The following TANC2 variants were observed in gnomAD, a reference collection of about 807,000 sequenced individuals.
The protein encoded by TANC2 is protein TANC2.
TANC2 carries 26 observed loss-of-function variants against 210.5 expected under a neutral mutation model. That is an observed-to-expected ratio of 0.12 (90% confidence interval 0.09 to 0.17). The LOEUF (loss-of-function observed/expected upper bound fraction) is 0.17. Among genes scored for constraint, TANC2 ranks in the 10% least tolerant of loss-of-function variants. The pLI is 1.00. For synonymous variants in TANC2, 931 were observed against 967.1 expected, an observed-to-expected ratio of 0.96 and a Z score of 0.69; for missense variants, 2,129 against 2,608.9, an observed-to-expected ratio of 0.82 and a Z score of 4.01.
chr17:63,310,651 G>A (rs79759494), intron 9 of TANC2, among the ~76,000 whole-genome samples: 2,085 of 152,192 alleles, frequency 0.014, 25 homozygotes, highest in Middle Eastern at 0.024. Context: ...ATTCACAAAA[G>A]AATTCAGATA....
chr17:63,038,896 C>T (rs1420266062), intron 2 of TANC2, among the ~76,000 whole-genome samples: 1 of 152,030 alleles, frequency 6.6e-6, no homozygotes, highest in Non-Finnish European at 1.5e-5. Flanking sequence ...TTAAAGGTTT[C>T]TTCCAATTTT....
At chr17:63,359,025 T>C (rs1279028257) in intron 14 of TANC2, among the ~76,000 whole-genome samples, 1 of 150,366 alleles carries the variant, frequency 6.7e-6, no homozygotes, top group Non-Finnish European at 1.5e-5. Flanking sequence ...TGCCAGAGAT[T>C]AAAAGACTAC....
intron 7 of TANC2, among the ~76,000 whole-genome samples, chr17:63,220,711 A>T (rs1481133376): frequency 7.8e-6 from 1 of 128,740 alleles, no homozygotes. Flanking sequence ...CTCAAAAAAA[A>T]AAAAAAAAAT....
intron 3 of TANC2, among the ~76,000 whole-genome samples, chr17:63,078,827 C>T (rs2036661997): frequency 6.6e-6 from 1 of 152,086 alleles, no homozygotes; most frequent in Non-Finnish European, 1.5e-5. Context: ...ATTTTAATAA[C>T]TGTTCTGTGT....
At chr17:63,389,072 T>C (rs1013783611) in intron 16 of TANC2, among the ~76,000 whole-genome samples, 9 of 152,200 alleles carry the variant, frequency 5.9e-5, no homozygotes, top group African/African-American at 2.2e-4. Context: ...GTAGAGACTA[T>C]GTTCAGCACT....
At chr17:63,272,987 A>G (rs967746033) in intron 9 of TANC2, among the ~76,000 whole-genome samples, 2 of 147,040 alleles carry the variant, frequency 1.4e-5, no homozygotes, top group Non-Finnish European at 3.1e-5. Flanking sequence ...TTTTATACTC[A>G]TAAAAAAATT....
chr17:63,161,657 C>G (rs910479827), intron 5 of TANC2, among the ~76,000 whole-genome samples: 8 of 152,250 alleles, frequency 5.3e-5, no homozygotes, highest in African/African-American at 1.7e-4. Flanking sequence ...TTGGAATACT[C>G]TAAGACCTGG....
intron 17 of TANC2, 45 bp downstream of exon 17, chr17:63,389,589 T>C: frequency 6.6e-7 from 1 of 1,510,540 alleles, no homozygotes; most frequent in Non-Finnish European, 9.0e-7. Context: ...TTTTTCTTTA[T>C]TTTCGATGCA....
rs1156591499 is a variant in TANC2, at chr17:62,966,487, G to T, written c.-286G>T. Among the ~76,000 whole-genome samples, 1 of 148,680 alleles carries T rather than the reference G, an allele frequency of 6.7e-6. No homozygotes were observed. Among genetic ancestry groups the T allele is most frequent in the Admixed American group, 6.7e-5 (1 of 14,982 alleles). On this transcript the variant is annotated 5_prime_UTR_variant, in exon 1 of 28. Coordinates refer to ENST00000689528, the Ensembl canonical transcript of TANC2. The surrounding 1 kb of genome is among the most constrained non-coding windows in gnomAD (Gnocchi z 5.1). ...GGCTGTGCCGCGCGCTAGGCGGAGC[G>T]AGGCGCCCGCCGCCGCCGAGCCGAG...
intron 1 of TANC2, among the ~76,000 whole-genome samples, chr17:62,986,904 G>A (rs2032595457): frequency 6.6e-6 from 1 of 152,136 alleles, no homozygotes; most frequent in African/African-American, 2.4e-5. Context: ...CTGGGATCAT[G>A]TCTACCAGGA....
intron 7 of TANC2, among the ~76,000 whole-genome samples, chr17:63,235,440 C>T (rs776127844): frequency 1.3e-5 from 2 of 152,028 alleles, no homozygotes; most frequent in Non-Finnish European, 2.9e-5. Context: ...GATTTCCTTT[C>T]TCAGGTGGAG....
At chr17:63,284,338 C>T (rs527620625) in intron 9 of TANC2, among the ~76,000 whole-genome samples, 1 of 151,970 alleles carries the variant, frequency 6.6e-6, no homozygotes, top group South Asian at 2.1e-4. Context: ...CAATTTGCTG[C>T]AATTTTGTAT....
chr17:63,134,691 A>C (rs973160343), intron 4 of TANC2, among the ~76,000 whole-genome samples: 1 of 152,232 alleles, frequency 6.6e-6, no homozygotes, highest in Non-Finnish European at 1.5e-5. Flanking sequence ...AAAGACAAGG[A>C]ATCCAAGCTT....
intron 2 of TANC2, among the ~76,000 whole-genome samples, chr17:63,069,972 T>C (rs1024432656): frequency 6.6e-6 from 1 of 152,218 alleles, no homozygotes; most frequent in African/African-American, 2.4e-5. Context: ...ATAGAAACTT[T>C]TGCTGGGCTG....
At chr17:63,038,602 A>C (rs1424540334) in intron 2 of TANC2, among the ~76,000 whole-genome samples, 2 of 152,112 alleles carry the variant, frequency 1.3e-5, no homozygotes. Context: ...TTATTTCTTT[A>C]AATGTTTGGT....
At chr17:63,154,751 G>A (rs1032292587) in intron 5 of TANC2, 1 of 151,864 alleles carries the variant, frequency 6.6e-6, no homozygotes, top group South Asian at 2.1e-4. Context: ...ATACTTAAAG[G>A]TTTAGGGTCA....
chr17:63,386,805 A>G (rs764516293), intron 15 of TANC2, among the ~76,000 whole-genome samples: 6 of 152,100 alleles, frequency 3.9e-5, no homozygotes, highest in Non-Finnish European at 7.4e-5. Flanking sequence ...TTATAATTTC[A>G]AAAACTGAAA....
chr17:63,264,373 C>A (rs979347951), intron 8 of TANC2, among the ~76,000 whole-genome samples: 2 of 152,102 alleles, frequency 1.3e-5, no homozygotes, highest in Non-Finnish European at 2.9e-5. Flanking sequence ...GAACTGGGGG[C>A]AGTATTTCAG....
At chr17:63,351,229 A>T in intron 12 of TANC2, 21 bp from the exon 13 acceptor site, 1 of 1,581,224 alleles carries the variant, frequency 6.3e-7, no homozygotes, top group South Asian at 1.2e-5. Flanking sequence ...TTATTAAGTA[A>T]TGTGTTTCTT....
Sources: gnomAD v4.1 joint callset for allele counts (sites outside exome capture counted in the v4.1 genomes callset) on GRCh38, gnomAD v4.1.1 for gene constraint, Gnocchi (gnomAD v3.1) non-coding constraint, MANE v1.5 for transcripts, NCBI Gene and HGNC (gene_info 2026-07-23, HGNC 2026-07-21) for gene names.